CD44: variants seen among roughly 807,000 people sequenced by gnomAD.
CD44 encodes CD44 antigen.
Under a neutral mutation model 88.8 loss-of-function variants are expected in CD44, and 49 were observed. The observed-to-expected ratio is 0.55, with a 90% CI of 0.44 to 0.70. The LOEUF (loss-of-function observed/expected upper bound fraction) is 0.70, where lower values mean the gene tolerates loss of function less well. CD44 is among the 30% of genes least tolerant of loss of function. CD44 has a pLI of 0.00. For synonymous variants in CD44, 325 were observed against 312.3 expected, an observed-to-expected ratio of 1.04 and a Z score of -0.43; for missense variants, 883 against 913.8, an observed-to-expected ratio of 0.97 and a Z score of 0.43.
At chr11:35,189,760 C>A in intron 4 of CD44, 75 bp from the exon 5 acceptor site, 2 of 954,950 alleles carry the variant, frequency 2.1e-6, no homozygotes, top group South Asian at 1.4e-5. Flanking sequence ...GCTTTGAAGT[C>A]ACTATGTTAA....
At chr11:35,184,428 G>C (rs183475403) in intron 3 of CD44, among the ~76,000 whole-genome samples, 1 of 152,258 alleles carries the variant, frequency 6.6e-6, no homozygotes, top group Admixed American at 6.5e-5. Flanking sequence ...CTGGCATCAA[G>C]AAGCCATAAT....
chr11:35,208,047 C>A, intron 11 of CD44, 58 bp from the exon 12 acceptor site: 2 of 1,036,754 alleles, frequency 1.9e-6, no homozygotes, highest in East Asian at 2.4e-5. Flanking sequence ...AGACCATAAG[C>A]CACCTTCAGG....
rs1191324243 is a variant in CD44 at position 35,142,503 on chromosome 11, G to A, written c.67+3133G>A. Among the ~76,000 whole-genome samples the A allele has an allele frequency of 2.6e-5, 4 of 152,252 alleles. No individual in the cohort carries two copies. The East Asian group carries it at 7.7e-4, about 29-fold the overall frequency. ...AGCGTCTGAGAGCCCTGGGTCTTAGGGCTGGCACACACCTTTCTGCTCCCT... is the reference window on the plus strand; with the variant it reads ...AGCGTCTGAGAGCCCTGGGTCTTAGAGCTGGCACACACCTTTCTGCTCCCT... On this transcript the variant is annotated intron_variant, in intron 1 of 17. Transcript: ENST00000428726.
intron 3 of CD44, among the ~76,000 whole-genome samples, chr11:35,182,780 C>T (rs1429337777): frequency 6.6e-6 from 1 of 152,154 alleles, no homozygotes; most frequent in African/African-American, 2.4e-5. Context: ...CTGGGCACTG[C>T]TTATTGCATC....
At chr11:35,200,393 A>G (rs1947198772) in intron 7 of CD44, 1 of 152,346 alleles carries the variant, frequency 6.6e-6, no homozygotes, top group Admixed American at 6.5e-5. Context: ...GTGTGCTGCT[A>G]TGATGGTGGC....
At chr11:35,157,718 C>T (rs1487686107) in intron 1 of CD44, among the ~76,000 whole-genome samples, 1 of 152,208 alleles carries the variant, frequency 6.6e-6, no homozygotes, top group Admixed American at 6.5e-5. Flanking sequence ...TCATCTCTTC[C>T]ACAGTTTCCT....
At chr11:35,223,366 C>A in intron 17 of CD44, 1 of 783,952 alleles carries the variant, frequency 1.3e-6, no homozygotes, top group South Asian at 5.8e-5. Flanking sequence ...GAATGCACCA[C>A]TTTTGCTCAC....
intron 1 of CD44, among the ~76,000 whole-genome samples, chr11:35,174,224 G>A (rs1944211740): frequency 6.6e-6 from 1 of 152,166 alleles, no homozygotes; most frequent in Non-Finnish European, 1.5e-5. Context: ...TCACTTCCCT[G>A]AGCCTCAACT....
At chr11:35,223,734 G>C (rs985793217) in intron 17 of CD44, among the ~76,000 whole-genome samples, 2 of 152,170 alleles carry the variant, frequency 1.3e-5, no homozygotes, top group Non-Finnish European at 2.9e-5. Flanking sequence ...GCAGCTAAAA[G>C]GTGGTGAACA....
In CD44 at chr11:35,229,554, C is replaced by T; in HGVS notation, c.*221C>T. ...CTGAAATTAGGGCCCAATTAATAATCAGCAAGAATTTGATCGTTCCAGTTC... is the reference window on the plus strand; with the variant it reads ...CTGAAATTAGGGCCCAATTAATAATTAGCAAGAATTTGATCGTTCCAGTTC... On this transcript the variant is annotated 3_prime_UTR_variant, in exon 18 of 18. Coordinates refer to ENST00000428726, the MANE Select transcript of CD44 (RefSeq NM_000610.4). 1 of 537,434 alleles carries T rather than the reference C, an allele frequency of 1.9e-6. No homozygotes were observed. The highest frequency in any genetic ancestry group is 3.3e-6 in the Non-Finnish European group (1 of 301,636). 33.3% of individuals were successfully genotyped at this position (537,434 alleles called of 1,614,324 possible). A position where few individuals can be genotyped will look rare whatever the true frequency, so the allele number is the denominator to read the frequency against.
In CD44 at chr11:35,214,913, T is replaced by C; in HGVS notation, c.1872T>C (p.Asp624=). 6.5e-7 allele frequency: 1 copy of C among 1,546,426 alleles called. No individual in the cohort carries two copies. Residue 624 remains aspartate, a splice_region_variant and synonymous_variant, in exon 15 of 18, where the codon GAT becomes GAC. Transcript: ENST00000428726. ...ATACCACTCATGGATCTGAATCAGATGGTGAGTTCAAAACTGCTTTAGTCA... is the reference window on the plus strand; with the variant it reads ...ATACCACTCATGGATCTGAATCAGACGGTGAGTTCAAAACTGCTTTAGTCA... ...GSHTTHGSES[D]GHSHGSQEGG... is the part of the protein sequence containing the mutation.
At chr11:35,166,353 T>C (rs1394288785) in intron 1 of CD44, among the ~76,000 whole-genome samples, 1 of 151,870 alleles carries the variant, frequency 6.6e-6, no homozygotes, top group Non-Finnish European at 1.5e-5. Context: ...TATACTTTCT[T>C]TTGCCAGAAA....
chr11:35,186,773 G>A (rs1945720992), intron 3 of CD44, 59 bp from the exon 4 acceptor site: 2 of 930,662 alleles, frequency 2.1e-6, no homozygotes, highest in African/African-American at 1.6e-5. Flanking sequence ...TAATAAAAAT[G>A]AGGGTAGATT....
intron 16 of CD44, among the ~76,000 whole-genome samples, chr11:35,220,094 A>G (rs1336972490): frequency 1.3e-5 from 2 of 152,230 alleles, no homozygotes; most frequent in South Asian, 2.1e-4. Context: ...TCTCCTCTTC[A>G]GAGGTCTCCA....
chr11:35,215,992 T>A (rs1202231176), intron 15 of CD44, among the ~76,000 whole-genome samples: 8 of 150,912 alleles, frequency 5.3e-5, no homozygotes, highest in African/African-American at 2.0e-4. Context: ...AGTACTATTA[T>A]TATCCCCATG....
At chr11:35,190,254 C>A in intron 5 of CD44, 189 bp downstream of exon 5, 1 of 600,180 alleles carries the variant, frequency 1.7e-6, no homozygotes, top group Non-Finnish European at 3.0e-6. Flanking sequence ...TACTGCCTAC[C>A]TTTTTTCCTC....
chr11:35,192,790 C>CTTTTTTT (rs35505196), intron 5 of CD44, among the ~76,000 whole-genome samples: 64 of 109,560 alleles, frequency 5.8e-4, no homozygotes, highest in African/African-American at 7.7e-4. Context: ...GGAATTCTTT[C>CTTTTTTT]TTTTTTTTTT....
chr11:35,185,015 T>C (rs1392712143), intron 3 of CD44, among the ~76,000 whole-genome samples: 1 of 152,214 alleles, frequency 6.6e-6, no homozygotes, highest in Admixed American at 6.5e-5. Flanking sequence ...GATAAAGTTA[T>C]TACTCATCTG....
chr11:35,229,571 T>C lies in CD44; in HGVS notation c.*238T>C, dbSNP rs766331136. ...TTAATAATCAGCAAGAATTTGATCG[T>C]TCCAGTTCCCACTTGGAGGCCTTTC... is the stretch of plus-strand genomic sequence containing the variant. On this transcript the variant is annotated 3_prime_UTR_variant, in exon 18 of 18. Coordinates refer to ENST00000428726, the MANE Select transcript of CD44 (RefSeq NM_000610.4). 3.9e-6 allele frequency: 2 copies of C among 507,038 alleles called. No homozygotes were observed. Among genetic ancestry groups the C allele is most frequent in the Non-Finnish European group, 7.1e-6 (2 of 283,278 alleles). The allele number at this position is 507,038 out of a possible 1,614,324, so 31.4% of individuals were successfully genotyped here.
Sources: gnomAD v4.1 joint callset for allele counts (sites outside exome capture counted in the v4.1 genomes callset) on GRCh38, gnomAD v4.1.1 for gene constraint, MANE v1.5 for transcripts, NCBI Gene and HGNC (gene_info 2026-07-23, HGNC 2026-07-21) for gene names.